The following LHFPL3 variants were observed in gnomAD, a reference collection of about 807,000 sequenced individuals.
LHFPL3 encodes LHFPL tetraspan subfamily member 3, also known as LHFPL tetraspan subfamily member 3 protein.
A neutral mutation model predicts 19.3 loss-of-function variants in LHFPL3; 5 were observed. The ratio of observed to expected loss-of-function variants is 0.26; its 90% CI spans 0.14 to 0.54. The LOEUF (loss-of-function observed/expected upper bound fraction) is 0.54, where lower values mean the gene tolerates loss of function less well. Ranked by LOEUF, LHFPL3 falls within the 20% of genes least tolerant of loss-of-function variation. The pLI, the probability that LHFPL3 is intolerant of heterozygous loss-of-function variation, is 0.94. For synonymous variants in LHFPL3, 133 were observed against 126.2 expected (o/e 1.05, Z -0.36); for missense variants, 249 against 307.4 (o/e 0.81, Z 1.42).
Position 104,736,701 on chromosome 7 carries a change from A to AT in LHFPL3, c.476dup (p.Asp161Ter). 3 of 1,613,080 alleles carry AT rather than the reference A, an allele frequency of 1.9e-6. No homozygotes were observed. The highest frequency in any genetic ancestry group is 2.2e-5 in the East Asian group (1 of 44,838). The stretch of plus-strand genomic sequence containing the variant: ...TGCCTGCCTTGTGCTTGGCTGTATG[A>AT]TTTTCCCTGATGGCTGGGACTCAGA... On this transcript the variant is annotated frameshift_variant, in exon 2 of 3. Coordinates refer to ENST00000424859, the MANE Select transcript of LHFPL3 (RefSeq NM_199000.3). LOFTEE classifies it high-confidence loss of function.
rs542981908 is a variant in LHFPL3, at chr7:104,453,341, A to C, written c.445+124117A>C. ...CTAGAGGCCATTTCAGGAAGAGGAC[A>C]GGTGAGTTGATGTGATTAGGCCATC... On this transcript the variant is annotated intron_variant, in intron 1 of 2. Coordinates refer to ENST00000424859, the MANE Select transcript of LHFPL3 (RefSeq NM_199000.3). Among the ~76,000 whole-genome samples, 15 of 152,150 alleles carry C rather than the reference A, an allele frequency of 9.9e-5. No individual in the cohort carries two copies. In the East Asian group the frequency reaches 2.7e-3, roughly 28 times the overall value.
chr7:104,670,456 G>C (rs1342754384), intron 1 of LHFPL3, among the ~76,000 whole-genome samples: 2 of 152,066 alleles, frequency 1.3e-5, no homozygotes, highest in Admixed American at 1.3e-4. Flanking sequence ...TTGAAACCTT[G>C]AAACTAAAAA....
intron 1 of LHFPL3, among the ~76,000 whole-genome samples, chr7:104,339,058 A>C (rs1789895073): frequency 6.6e-6 from 1 of 151,972 alleles, no homozygotes; most frequent in South Asian, 2.1e-4. Flanking sequence ...GACCAGCCTG[A>C]CCAACATGGT....
In LHFPL3 at chr7:104,512,253, C is replaced by A. The variant is rs954598314; in HGVS notation, c.445+183029C>A. Among the ~76,000 whole-genome samples, 3 of 152,030 alleles carry A rather than the reference C, an allele frequency of 2.0e-5. No homozygotes were observed. The East Asian group carries it at 5.8e-4, about 29-fold the overall frequency. ...TACAGGCATGAGCCACAGCATCTGG[C>A]CCCAACAGTGATTTCTTTATAGAGT... On this transcript the variant is annotated intron_variant, in intron 1 of 2. Transcript: ENST00000424859.
At chr7:104,835,631 T>G (rs560828332) in intron 2 of LHFPL3, among the ~76,000 whole-genome samples, 1 of 151,670 alleles carries the variant, frequency 6.6e-6, no homozygotes, top group South Asian at 2.1e-4. Flanking sequence ...TCTCTATGAA[T>G]ACAAATATAT....
At chr7:104,490,670 C>G (rs73179959) in intron 1 of LHFPL3, among the ~76,000 whole-genome samples, 7 of 151,998 alleles carry the variant, frequency 4.6e-5, no homozygotes, top group African/African-American at 1.7e-4. Context: ...AACTAAACCC[C>G]CATATGTTTA....
chr7:104,800,760 G>C (rs1292395337), intron 2 of LHFPL3, among the ~76,000 whole-genome samples: 3 of 152,164 alleles, frequency 2.0e-5, no homozygotes, highest in African/African-American at 7.2e-5. Flanking sequence ...GTGTTGAAAG[G>C]AGGAGCTGGA....
At chr7:104,734,597 G>A (rs904813596) in intron 1 of LHFPL3, among the ~76,000 whole-genome samples, 1 of 152,118 alleles carries the variant, frequency 6.6e-6, no homozygotes, top group Non-Finnish European at 1.5e-5. Flanking sequence ...TCTCTGCATT[G>A]GTTATTCTAG....
intron 2 of LHFPL3, among the ~76,000 whole-genome samples, chr7:104,843,447 C>T (rs1214154964): frequency 6.6e-6 from 1 of 152,196 alleles, no homozygotes; most frequent in Non-Finnish European, 1.5e-5. Context: ...GGCAAGGCTC[C>T]CCAATGGACT....
rs143821929 is a variant in LHFPL3 at position 104,595,738 on chromosome 7, C to T, written c.446-140937C>T. 4.1e-3 allele frequency among the ~76,000 whole-genome samples: 623 copies of T among 152,372 alleles called. 35 individuals carry two copies. In the East Asian group the frequency reaches 0.1, roughly 24 times the overall value. ...CCGCCCAGTTCGAGCTTCTTGGCCG[C>T]TTTGTTTACCTACTCAAGCCTCAGC... On this transcript the variant is annotated intron_variant, in intron 1 of 2. Transcript: ENST00000424859.
chr7:104,337,173 TA>T (rs1253758981), intron 1 of LHFPL3, among the ~76,000 whole-genome samples: 2 of 151,924 alleles, frequency 1.3e-5, no homozygotes, highest in African/African-American at 4.8e-5. Flanking sequence ...GGCTCAGTAT[TA>T]AAACAAACAA....
intron 1 of LHFPL3, among the ~76,000 whole-genome samples, chr7:104,638,654 A>T (rs1190825707): frequency 6.6e-6 from 1 of 151,654 alleles, no homozygotes; most frequent in East Asian, 1.9e-4. Flanking sequence ...TAATTATGTG[A>T]TTTTTGTCTT....
In LHFPL3 at chr7:104,404,233, C is replaced by T. The variant is rs1385461410; in HGVS notation, c.445+75009C>T. Among the ~76,000 whole-genome samples, 5 of 152,130 alleles carry T rather than the reference C, an allele frequency of 3.3e-5. No individual in the cohort carries two copies. In the East Asian group the frequency reaches 9.6e-4, roughly 29 times the overall value. ...CTTTAAAGTTATTTTAATGAGACCACTTAGTTAATTATTTTCTGATTTTCC... is the reference window on the plus strand; with the variant it reads ...CTTTAAAGTTATTTTAATGAGACCATTTAGTTAATTATTTTCTGATTTTCC... On this transcript the variant is annotated intron_variant, in intron 1 of 2. Transcript: ENST00000424859.
intron 1 of LHFPL3, chr7:104,470,080 G>A: frequency 2.2e-6 from 1 of 455,974 alleles, no homozygotes; most frequent in South Asian, 1.5e-5. Flanking sequence ...AAGAATGGTA[G>A]TGAGAGGTCA....
At chr7:104,890,505 G>A (rs1302021490) in intron 2 of LHFPL3, among the ~76,000 whole-genome samples, 1 of 152,214 alleles carries the variant, frequency 6.6e-6, no homozygotes, top group Admixed American at 6.5e-5. Flanking sequence ...TTTACATGCA[G>A]GGTCTGGAAC....
At chr7:104,639,819 T>C (rs1562956013) in intron 1 of LHFPL3, among the ~76,000 whole-genome samples, 1 of 152,204 alleles carries the variant, frequency 6.6e-6, no homozygotes. Context: ...TATAAAGTCA[T>C]TGACATCAAA....
chr7:104,793,769 T>C (rs1407159635), intron 2 of LHFPL3, among the ~76,000 whole-genome samples: 2 of 152,218 alleles, frequency 1.3e-5, no homozygotes, highest in African/African-American at 4.8e-5. Context: ...CAAAATTGAA[T>C]GTGGTTTTCC....
At chr7:104,729,988 A>G (rs1793668141) in intron 1 of LHFPL3, among the ~76,000 whole-genome samples, 1 of 151,658 alleles carries the variant, frequency 6.6e-6, no homozygotes, top group Admixed American at 6.6e-5. Context: ...GAGTGAGAAC[A>G]TGCAGTGTTT....
intron 1 of LHFPL3, among the ~76,000 whole-genome samples, chr7:104,686,411 C>G (rs578079705): frequency 6.6e-6 from 1 of 152,318 alleles, no homozygotes; most frequent in Admixed American, 6.5e-5. Flanking sequence ...AAAGGACAGA[C>G]AGCTGGCAGA....
Sources: gnomAD v4.1 joint callset for allele counts (sites outside exome capture counted in the v4.1 genomes callset) on GRCh38, gnomAD v4.1.1 for gene constraint, MANE v1.5 for transcripts, NCBI Gene and HGNC (gene_info 2026-07-23, HGNC 2026-07-21) for gene names.